The following KLF12 variants were observed in gnomAD, a reference collection of about 807,000 sequenced individuals.
KLF12 encodes the protein KLF transcription factor 12, also known as Krueppel-like factor 12.
A neutral mutation model predicts 37.8 loss-of-function variants in KLF12; 9 were observed. The observed-to-expected ratio is 0.24, with a 90% CI of 0.14 to 0.42. KLF12 has a LOEUF of 0.42. Ranked by LOEUF, KLF12 falls within the 10% of genes least tolerant of loss-of-function variation. The probability of loss-of-function intolerance (pLI) is 1.00; values close to 1 mark genes in which losing one functional copy is unlikely to be tolerated. For synonymous variants in KLF12, 208 were observed against 202.1 expected (o/e 1.03, Z -0.25); for missense variants, 411 against 516.0 (o/e 0.80, Z 1.97).
At chr13:74,136,879 C>G (rs184365468), upstream of KLF12, among the ~76,000 whole-genome samples, 227 of 151,734 alleles carry the variant, frequency 1.5e-3, 1 homozygote, top group Non-Finnish European at 2.4e-3. Flanking sequence ...AACTTCCTAG[C>G]TATGAAAAGG....
the KLF12 span, among the ~76,000 whole-genome samples, chr13:74,159,741 G>T: frequency 4.1e-4 from 63 of 151,816 alleles, no homozygotes; most frequent in Middle Eastern, 3.5e-3. Flanking sequence ...TTTTTCAGCC[G>T]GGCATGGTTG....
At chr13:74,067,160 A>G (rs1234965852) in intron 1 of KLF12, among the ~76,000 whole-genome samples, 1 of 152,258 alleles carries the variant, frequency 6.6e-6, no homozygotes, top group Non-Finnish European at 1.5e-5. Flanking sequence ...AACCTTGCAA[A>G]GTATTCCAAA....
intron 6 of KLF12, among the ~76,000 whole-genome samples, chr13:73,747,780 C>T (rs1344386116): frequency 6.6e-6 from 1 of 152,148 alleles, no homozygotes. Flanking sequence ...CTCGAAGTTA[C>T]AGAGTTAATA....
the KLF12 span, among the ~76,000 whole-genome samples, chr13:74,181,762 A>AT: frequency 4.0e-5 from 6 of 151,504 alleles, no homozygotes; most frequent in East Asian, 9.7e-4. Flanking sequence ...AACCCAATGT[A>AT]TGAGGACCTT....
At chr13:74,071,975 C>T (rs1452710687) in intron 1 of KLF12, among the ~76,000 whole-genome samples, 1 of 152,082 alleles carries the variant, frequency 6.6e-6, no homozygotes, top group African/African-American at 2.4e-5. Flanking sequence ...TCCCCAACCC[C>T]CCCACCTGAA....
At chr13:73,812,138 C>CAAA (rs57699454) in intron 5 of KLF12, among the ~76,000 whole-genome samples, 30,737 of 151,786 alleles carry the variant, frequency 0.2, 3,603 homozygotes, top group East Asian at 0.45. Flanking sequence ...CTAGAAGACA[C>CAAA]ATATTGTATG....
chr13:74,032,653 G>C (rs1481953127), intron 1 of KLF12, among the ~76,000 whole-genome samples: 1 of 151,836 alleles, frequency 6.6e-6, no homozygotes, highest in Non-Finnish European at 1.5e-5. Flanking sequence ...TCATGACCCA[G>C]GCCTCTCTCT....
At chr13:73,813,323 A>G (rs899950778) in intron 4 of KLF12, 36 bp from the exon 5 acceptor site, 19 of 1,611,344 alleles carry the variant, frequency 1.2e-5, no homozygotes, top group Non-Finnish European at 1.4e-5. Flanking sequence ...AATTAAAATC[A>G]GTGCGCAGAA....
At chr13:73,940,961 G>A (rs1052811434) in intron 3 of KLF12, among the ~76,000 whole-genome samples, 5 of 152,178 alleles carry the variant, frequency 3.3e-5, no homozygotes, top group African/African-American at 7.2e-5. Context: ...TTTCTAACAC[G>A]CAGCAGAGAA....
At chr13:74,084,168 G>A (rs927072106) in intron 1 of KLF12, among the ~76,000 whole-genome samples, 1 of 152,034 alleles carries the variant, frequency 6.6e-6, no homozygotes, top group Non-Finnish European at 1.5e-5. Context: ...GAATGAACAG[G>A]GTGATGTAAC....
At chr13:73,802,946 T>A (rs965109566) in intron 5 of KLF12, among the ~76,000 whole-genome samples, 1 of 152,190 alleles carries the variant, frequency 6.6e-6, no homozygotes, top group Non-Finnish European at 1.5e-5. Flanking sequence ...CATTTTATCA[T>A]TTTTGGTAAA....
At chr13:74,006,547 G>A (rs570242348) in intron 1 of KLF12, among the ~76,000 whole-genome samples, 16 of 152,084 alleles carry the variant, frequency 1.1e-4, no homozygotes, top group South Asian at 2.1e-4. Context: ...CTGGAATTAC[G>A]ACAGCCATGG....
intron 1 of KLF12, among the ~76,000 whole-genome samples, chr13:74,033,423 A>G (rs1328149074): frequency 6.6e-6 from 1 of 152,218 alleles, no homozygotes; most frequent in African/African-American, 2.4e-5. Context: ...TAACTAATCT[A>G]TAAGATAGGG....
At chr13:74,268,931 TC>T in the KLF12 span, among the ~76,000 whole-genome samples, 1 of 152,144 alleles carries the variant, frequency 6.6e-6, no homozygotes, top group African/African-American at 2.4e-5. Flanking sequence ...GGGTGATTAA[TC>T]CTGACACTGA....
At chr13:73,903,889 T>C (rs1888149544) in intron 3 of KLF12, among the ~76,000 whole-genome samples, 1 of 152,172 alleles carries the variant, frequency 6.6e-6, no homozygotes, top group South Asian at 2.1e-4. Context: ...GTCCTTCCGA[T>C]GATGTGAGGT....
the KLF12 span, among the ~76,000 whole-genome samples, chr13:74,235,718 G>A: frequency 1.3e-5 from 2 of 151,926 alleles, no homozygotes; most frequent in Non-Finnish European, 2.9e-5. Context: ...AAGTATGTAA[G>A]ACATATCCAG....
chr13:74,104,469 C>A (rs1876541692), intron 1 of KLF12, among the ~76,000 whole-genome samples: 1 of 152,166 alleles, frequency 6.6e-6, no homozygotes, highest in African/African-American at 2.4e-5. Flanking sequence ...TTTTGAATAA[C>A]CTGGACCCAC....
chr13:73,761,969 A>C (rs1457789669), intron 6 of KLF12, among the ~76,000 whole-genome samples: 1 of 152,198 alleles, frequency 6.6e-6, no homozygotes, highest in Non-Finnish European at 1.5e-5. Context: ...GCATGGTGGT[A>C]CTGAGGGGAC....
the KLF12 span, among the ~76,000 whole-genome samples, chr13:74,297,246 T>A: frequency 6.6e-6 from 1 of 152,186 alleles, no homozygotes; most frequent in Non-Finnish European, 1.5e-5. Context: ...ACAGGATTTC[T>A]CAGTGTATTC....
Sources: allele counts gnomAD v4.1 joint callset (sites outside exome capture counted in the v4.1 genomes callset), GRCh38; gene constraint gnomAD v4.1.1; transcripts MANE v1.5; gene names NCBI Gene and HGNC (gene_info 2026-07-23, HGNC 2026-07-21).